CSMD1: variants seen among roughly 807,000 people sequenced by gnomAD.
CSMD1 encodes the protein CUB and Sushi multiple domains 1.
Under a neutral mutation model 417.5 loss-of-function variants are expected in CSMD1, and 213 were observed. That is an observed-to-expected ratio of 0.51 (90% CI 0.46 to 0.57). The LOEUF is 0.57. Ranked by LOEUF, CSMD1 falls within the 20% of genes least tolerant of loss-of-function variation. CSMD1 has a pLI of 0.00. For synonymous variants in CSMD1, 2,862 were observed against 1,736.8 expected, an observed-to-expected ratio of 1.65 and a Z score of -16.11; for missense variants, 6,923 against 4,529.7, an observed-to-expected ratio of 1.53 and a Z score of -15.17.
chr8:3,245,352 A>T (rs1269157254), intron 26 of CSMD1, among the ~76,000 whole-genome samples: 1 of 152,148 alleles, frequency 6.6e-6, no homozygotes, highest in Non-Finnish European at 1.5e-5. Flanking sequence ...TGCAAAACAA[A>T]AGTGAGAGGC....
chr8:3,481,292 A>G (rs1817737205), intron 11 of CSMD1, among the ~76,000 whole-genome samples: 1 of 152,150 alleles, frequency 6.6e-6, no homozygotes, highest in Admixed American at 6.5e-5. Context: ...AAGAGAAAAA[A>G]CAAGAGGAAT....
intron 3 of CSMD1, among the ~76,000 whole-genome samples, chr8:4,156,045 C>T (rs1319565780): frequency 6.6e-6 from 1 of 152,086 alleles, no homozygotes; most frequent in East Asian, 1.9e-4. Flanking sequence ...AGATGAGCTC[C>T]ATAGATTCCT....
At chr8:4,707,513 C>T (rs1413502983) in intron 1 of CSMD1, among the ~76,000 whole-genome samples, 1 of 152,044 alleles carries the variant, frequency 6.6e-6, no homozygotes, top group Admixed American at 6.6e-5. Flanking sequence ...CGTAGGAGTC[C>T]GTGAACAGTT....
intron 2 of CSMD1, among the ~76,000 whole-genome samples, chr8:4,470,546 T>C (rs1800467569): frequency 6.6e-6 from 1 of 152,216 alleles, no homozygotes; most frequent in African/African-American, 2.4e-5. Flanking sequence ...AAAAATGACA[T>C]GCCAAAGGAT....
At chr8:2,941,090 T>C (rs940992838) in intron 69 of CSMD1, among the ~76,000 whole-genome samples, 2 of 152,208 alleles carry the variant, frequency 1.3e-5, no homozygotes, top group African/African-American at 4.8e-5. Context: ...CGGACTTGTG[T>C]GTATTGGGTA....
At chr8:4,528,419 T>G (rs1454812929) in intron 2 of CSMD1, among the ~76,000 whole-genome samples, 2 of 152,204 alleles carry the variant, frequency 1.3e-5, no homozygotes, top group African/African-American at 4.8e-5. Context: ...AAAACACATG[T>G]GGACTTTTAC....
chr8:3,822,466 C>G (rs73172258), intron 5 of CSMD1, among the ~76,000 whole-genome samples: 6,358 of 152,220 alleles, frequency 0.042, 185 homozygotes, highest in Non-Finnish European at 0.065. Context: ...ATAGGTATTC[C>G]TAACTGTAAT....
At chr8:4,471,169 C>T (rs1800509165) in intron 2 of CSMD1, among the ~76,000 whole-genome samples, 2 of 152,112 alleles carry the variant, frequency 1.3e-5, no homozygotes, top group Non-Finnish European at 2.9e-5. Flanking sequence ...CCAGGCCTTA[C>T]TGGATTTAAT....
intron 3 of CSMD1, among the ~76,000 whole-genome samples, chr8:4,073,355 A>G (rs981010190): frequency 3.9e-5 from 6 of 152,198 alleles, no homozygotes; most frequent in Non-Finnish European, 7.4e-5. Flanking sequence ...TCTTAGTCAC[A>G]TAAGAGCAAG....
chr8:4,353,377 C>G (rs1401025904), intron 3 of CSMD1, among the ~76,000 whole-genome samples: 1 of 152,112 alleles, frequency 6.6e-6, no homozygotes, highest in Admixed American at 6.6e-5. Flanking sequence ...GTGAGGCCTC[C>G]CCAGCCGTGT....
intron 3 of CSMD1, among the ~76,000 whole-genome samples, chr8:4,225,302 T>C (rs894294904): frequency 6.6e-6 from 1 of 152,166 alleles, no homozygotes. Flanking sequence ...TTTTAAACTT[T>C]CTTTTCTGAA....
rs1046249822 is a variant in CSMD1 at position 4,770,847 on chromosome 8, T to G, written c.86-133289A>C. 3.9e-5 allele frequency among the ~76,000 whole-genome samples: 6 copies of G among 152,156 alleles called. No homozygotes were observed. In the East Asian group the frequency reaches 1.2e-3, roughly 29 times the overall value. ...ATCCTAAACATAAGACCTGAAACCA[T>G]GAAAATCCCAGAATACACAGGGGAA... On this transcript the variant is annotated intron_variant, in intron 1 of 69. Transcript: ENST00000635120.
intron 5 of CSMD1, among the ~76,000 whole-genome samples, chr8:3,808,162 TA>T (rs761902025): frequency 1.3e-5 from 2 of 152,110 alleles, no homozygotes; most frequent in African/African-American, 4.8e-5. Context: ...TCTATGAAAT[TA>T]AAAAAATGTA....
At chr8:4,054,285 G>A (rs1396249856) in intron 3 of CSMD1, among the ~76,000 whole-genome samples, 3 of 37,570 alleles carry the variant, frequency 8.0e-5, no homozygotes, top group African/African-American at 2.5e-4. Flanking sequence ...AAGTGAAGAT[G>A]TGGCTTCCAC....
chr8:4,234,551 C>G (rs759788994), intron 3 of CSMD1, among the ~76,000 whole-genome samples: 11 of 152,190 alleles, frequency 7.2e-5, no homozygotes, highest in Non-Finnish European at 1.6e-4. Flanking sequence ...CATCTTTTGG[C>G]CGTTCCTTTA....
intron 37 of CSMD1, among the ~76,000 whole-genome samples, chr8:3,178,047 C>A (rs1288030808): frequency 6.6e-6 from 1 of 152,080 alleles, no homozygotes; most frequent in Non-Finnish European, 1.5e-5. Context: ...TCTTTTTGAG[C>A]TTTTACTTGG....
chr8:4,142,671 C>T lies in CSMD1; in HGVS notation c.416-110572G>A, dbSNP rs116262748. Among the ~76,000 whole-genome samples the T allele has an allele frequency of 4.2e-4, 64 of 151,190 alleles. 3 individuals are homozygous for T. Among genetic ancestry groups the T allele is most frequent in the African/African-American group, 1.1e-3 (46 of 40,544 alleles). On this transcript the variant is annotated intron_variant, in intron 3 of 69. Coordinates refer to ENST00000635120, the MANE Select transcript of CSMD1 (RefSeq NM_033225.6). ...AAACAGTAACTGATTCTGGCCGTGG[C>T]TTCTTTGCAGTTATTGGGTGGCTGA... is the stretch of plus-strand genomic sequence containing the variant.
At chr8:3,971,642 G>C (rs545692998) in intron 5 of CSMD1, among the ~76,000 whole-genome samples, 39 of 152,248 alleles carry the variant, frequency 2.6e-4, no homozygotes, top group African/African-American at 8.7e-4. Context: ...GGAGTCTCAA[G>C]ACAATCCTGA....
intron 47 of CSMD1, among the ~76,000 whole-genome samples, chr8:3,093,107 A>G (rs1053263406): frequency 2.0e-5 from 3 of 152,166 alleles, no homozygotes; most frequent in Admixed American, 6.5e-5. Flanking sequence ...TTGAAGTCCT[A>G]TGAAGTCCTA....
Sources: gnomAD v4.1 joint callset for allele counts (sites outside exome capture counted in the v4.1 genomes callset) on GRCh38, gnomAD v4.1.1 for gene constraint, MANE v1.5 for transcripts, NCBI Gene and HGNC (gene_info 2026-07-23, HGNC 2026-07-21) for gene names.